PIK3C2G: variants seen among roughly 807,000 people sequenced by gnomAD.
PIK3C2G encodes the protein phosphatidylinositol 3-kinase C2 domain-containing subunit gamma.
In PIK3C2G, 168 loss-of-function variants were observed where a neutral mutation model predicts 181.1. The observed-to-expected ratio is 0.93, with a 90% CI of 0.82 to 1.05. The LOEUF is 1.05. Among genes scored for constraint, PIK3C2G ranks in the 50% least tolerant of loss-of-function variants. The pLI, the probability that PIK3C2G is intolerant of heterozygous loss-of-function variation, is 0.00. For synonymous variants in PIK3C2G, 573 were observed against 592.2 expected (o/e 0.97, Z 0.47); for missense variants, 1,869 against 1,732.8 (o/e 1.08, Z -1.40).
At chr12:18,398,655 G>A (rs1376356959) in intron 15 of PIK3C2G, among the ~76,000 whole-genome samples, 2 of 152,116 alleles carry the variant, frequency 1.3e-5, no homozygotes, top group Non-Finnish European at 2.9e-5. Context: ...ATGATAAATT[G>A]TCAGCAAGTC....
At chr12:18,257,659 G>A (rs1021287261), upstream of PIK3C2G, among the ~76,000 whole-genome samples, 7 of 136,876 alleles carry the variant, frequency 5.1e-5, no homozygotes, top group Admixed American at 1.6e-4. Context: ...AAAGAAAGAA[G>A]GAAAGAAAGA....
chr12:18,499,792 T>A (rs1395796133), intron 22 of PIK3C2G, among the ~76,000 whole-genome samples: 1 of 152,158 alleles, frequency 6.6e-6, no homozygotes, highest in East Asian at 1.9e-4. Context: ...GGTAATTTTA[T>A]CCCTAAGAGC....
intron 25 of PIK3C2G, among the ~76,000 whole-genome samples, chr12:18,539,099 C>T (rs991121329): frequency 1.3e-5 from 2 of 151,882 alleles, no homozygotes; most frequent in African/African-American, 2.4e-5. Context: ...TTTAGAGCTT[C>T]CAGATGACAA....
At chr12:18,437,806 C>T (rs1453017407) in intron 18 of PIK3C2G, among the ~76,000 whole-genome samples, 1 of 151,862 alleles carries the variant, frequency 6.6e-6, no homozygotes, top group Non-Finnish European at 1.5e-5. Context: ...TAATCAATTA[C>T]TAGATATTAT....
At chr12:18,243,049 G>T (rs1370592865), upstream of PIK3C2G, among the ~76,000 whole-genome samples, 1 of 151,998 alleles carries the variant, frequency 6.6e-6, no homozygotes, top group Non-Finnish European at 1.5e-5. Flanking sequence ...AACATATAAG[G>T]TAAGTAATGT....
intron 30 of PIK3C2G, among the ~76,000 whole-genome samples, chr12:18,608,342 T>C (rs1948159597): frequency 6.6e-6 from 1 of 151,910 alleles, no homozygotes; most frequent in African/African-American, 2.4e-5. Flanking sequence ...ATTAAGAAAA[T>C]GTGGCACATA....
rs542401519 is a variant in PIK3C2G, at chr12:18,371,884, T to C, written c.1880+573T>C. Among the ~76,000 whole-genome samples the C allele has an allele frequency of 4.6e-5, 7 of 152,222 alleles. No homozygotes were observed. The East Asian group carries it at 1.2e-3, about 25-fold the overall frequency. ...AGAATACTTGATAAAATCAATTACA[T>C]GATGTTCTATGGTATTAAGGAAAAA... On this transcript the variant is annotated intron_variant, in intron 13 of 32. Transcript: ENST00000538779.
At chr12:18,487,683 C>T (rs1940186307) in intron 18 of PIK3C2G, among the ~76,000 whole-genome samples, 1 of 151,990 alleles carries the variant, frequency 6.6e-6, no homozygotes, top group Non-Finnish European at 1.5e-5. Context: ...TTTATGCTTC[C>T]CATGTTCATG....
intron 31 of PIK3C2G, among the ~76,000 whole-genome samples, chr12:18,612,111 C>G (rs989624328): frequency 1.3e-5 from 2 of 152,096 alleles, no homozygotes; most frequent in African/African-American, 4.8e-5. Flanking sequence ...CACAGACTCC[C>G]TCAGTCACTC....
chr12:18,443,006 G>A (rs1230192170), intron 18 of PIK3C2G, among the ~76,000 whole-genome samples: 1 of 151,968 alleles, frequency 6.6e-6, no homozygotes, highest in African/African-American at 2.4e-5. Context: ...CACGTAGCTG[G>A]GATTACAGGC....
rs138085871 is a variant in PIK3C2G, at chr12:18,343,129, ATAT to A, written c.1396-196_1396-194del. Reference sequence around the variant, plus strand: ...TACATAACCTACATTGCTTATTACAATATTTAGAAAGTTTTTATTTCATCATAC... The same window carrying A: ...TACATAACCTACATTGCTTATTACAATTAGAAAGTTTTTATTTCATCATAC... On this transcript the variant is annotated intron_variant, in intron 9 of 32. Coordinates refer to ENST00000538779, the MANE Select transcript of PIK3C2G (RefSeq NM_001288772.2). 2.3e-3 allele frequency among the ~76,000 whole-genome samples: 347 copies of A among 152,220 alleles called. 4 individuals carry two copies. Among genetic ancestry groups the A allele is most frequent in the African/African-American group, 8.0e-3 (334 of 41,568 alleles).
At chr12:18,524,277 G>A (rs752350256) in intron 24 of PIK3C2G, among the ~76,000 whole-genome samples, 7 of 152,186 alleles carry the variant, frequency 4.6e-5, no homozygotes, top group Middle Eastern at 3.4e-3. Flanking sequence ...TTGAAGGAGC[G>A]GTGACACAAT....
At chr12:18,683,436 C>T in the PIK3C2G span, 3 of 1,445,442 alleles carry the variant, frequency 2.1e-6, no homozygotes, top group Admixed American at 5.6e-5. Flanking sequence ...AAAACCATGA[C>T]TATAGAGTTA....
chr12:18,431,261 C>T (rs1946143565), intron 18 of PIK3C2G, among the ~76,000 whole-genome samples: 1 of 152,078 alleles, frequency 6.6e-6, no homozygotes, highest in Non-Finnish European at 1.5e-5. Flanking sequence ...ATGTGACAAA[C>T]ATAGAGATGA....
intron 24 of PIK3C2G, among the ~76,000 whole-genome samples, chr12:18,533,050 G>A (rs1046363323): frequency 6.6e-6 from 1 of 151,978 alleles, no homozygotes; most frequent in Middle Eastern, 3.2e-3. Context: ...ACATCCCTAG[G>A]TAGTCTGTCT....
the PIK3C2G span, among the ~76,000 whole-genome samples, chr12:18,681,953 G>A: frequency 6.6e-5 from 10 of 152,026 alleles, no homozygotes; most frequent in Non-Finnish European, 1.5e-4. Flanking sequence ...GAAGGGTAAA[G>A]CGTTGGGTCA....
chr12:18,328,031 T>C (rs574651381), intron 8 of PIK3C2G, among the ~76,000 whole-genome samples: 1 of 152,126 alleles, frequency 6.6e-6, no homozygotes, highest in East Asian at 1.9e-4. Flanking sequence ...AAATTCTTTA[T>C]TAAAATGCCA....
chr12:18,696,322 C>CTATATATATATATATA, the PIK3C2G span: 1,425 of 267,376 alleles, frequency 5.3e-3, 102 homozygotes, highest in African/African-American at 0.031. Context: ...TAAAAAGCCA[C>CTATATATATATATATA]TATATATATA....
intron 13 of PIK3C2G, among the ~76,000 whole-genome samples, chr12:18,378,467 C>T (rs1009352748): frequency 3.3e-5 from 5 of 152,142 alleles, no homozygotes; most frequent in Non-Finnish European, 5.9e-5. Flanking sequence ...GCAAGGACTT[C>T]ATGTCTAAAA....
Sources: gnomAD v4.1 joint callset for allele counts (sites outside exome capture counted in the v4.1 genomes callset) on GRCh38, gnomAD v4.1.1 for gene constraint, MANE v1.5 for transcripts, NCBI Gene and HGNC (gene_info 2026-07-23, HGNC 2026-07-21) for gene names.